TRERF1: variants seen among roughly 807,000 people sequenced by gnomAD.
TRERF1 encodes the protein transcriptional regulating factor 1, also known as transcriptional-regulating factor 1.
A neutral mutation model predicts 122.9 loss-of-function variants in TRERF1; 27 were observed. The ratio of observed to expected loss-of-function variants is 0.22; its 90% confidence interval spans 0.16 to 0.30. The LOEUF is 0.30. TRERF1 is among the 10% of genes least tolerant of loss of function. The probability of loss-of-function intolerance (pLI) is 1.00; values close to 1 mark genes in which losing one functional copy is unlikely to be tolerated. For synonymous variants in TRERF1, 636 were observed against 641.7 expected (o/e 0.99, Z 0.13); for missense variants, 1,248 against 1,560.3 (o/e 0.80, Z 3.37).
intron 2 of TRERF1, among the ~76,000 whole-genome samples, chr6:42,369,135 A>G (rs1773303725): frequency 6.6e-6 from 1 of 152,164 alleles, no homozygotes; most frequent in Non-Finnish European, 1.5e-5. Context: ...TTATCTGCAG[A>G]TAAGAAGGCT....
chr6:42,307,684 T>C (rs1310838489), intron 3 of TRERF1, among the ~76,000 whole-genome samples: 3 of 136,526 alleles, frequency 2.2e-5, no homozygotes, highest in Non-Finnish European at 4.6e-5. Flanking sequence ...GAGAGGTAAA[T>C]GTATGAAAAA....
chr6:42,408,257 ATG>A (rs764767829), intron 2 of TRERF1, among the ~76,000 whole-genome samples: 1,156 of 87,584 alleles, frequency 0.013, 22 homozygotes, highest in Non-Finnish European at 0.02. Flanking sequence ...ATACATACAC[ATG>A]TGTGTGTATG....
Position 42,373,393 on chromosome 6 carries a change from C to T in TRERF1, c.-453-10314G>A, listed in dbSNP as rs934564257. Among the ~76,000 whole-genome samples the T allele has an allele frequency of 3.3e-5, 5 of 151,980 alleles. No homozygotes were observed. In the East Asian group the frequency reaches 7.7e-4, roughly 24 times the overall value. On this transcript the variant is annotated intron_variant, in intron 2 of 17. Transcript: ENST00000372922. ...ACTAAAAATACAAAATTAGGCTGGG[C>T]ACGGTGGCTCACACCTGCAATCCCA...
At chr6:42,279,485 G>A (rs1781900254) in intron 4 of TRERF1, among the ~76,000 whole-genome samples, 2 of 152,204 alleles carry the variant, frequency 1.3e-5, no homozygotes, top group Non-Finnish European at 2.9e-5. Context: ...GAAGTGGGCT[G>A]GCAGGGAGAT....
intron 2 of TRERF1, among the ~76,000 whole-genome samples, chr6:42,372,217 G>C (rs568614700): frequency 8.0e-4 from 121 of 152,172 alleles, no homozygotes; most frequent in African/African-American, 2.5e-3. Context: ...CCCTCAACTA[G>C]ACTGTAAGCT....
chr6:42,439,988 G>A (rs1286739241), intron 2 of TRERF1, among the ~76,000 whole-genome samples: 2 of 152,104 alleles, frequency 1.3e-5, no homozygotes, highest in Non-Finnish European at 2.9e-5. Flanking sequence ...CCAGCCATTG[G>A]GACAATCCTA....
chr6:42,259,562 C>A lies in TRERF1; in HGVS notation c.2046G>T (p.Leu682=). Reference sequence around the variant, plus strand: ...GCGGGGAGCGCAGCTGGCTCTGGTACAGGGTGGCGCCCGAGTAGGAGGCAG... The same window carrying A: ...GCGGGGAGCGCAGCTGGCTCTGGTAAAGGGTGGCGCCCGAGTAGGAGGCAG... The change falls in exon 9 of 18, where the codon CTG becomes CTT. Residue 682 remains leucine (L), a synonymous_variant. Coordinates refer to ENST00000372922, the Ensembl canonical transcript of TRERF1. The surrounding 1 kb of genome is among the most constrained non-coding windows in gnomAD (Gnocchi z 4.9). 3 of 1,613,732 alleles carry A rather than the reference C, an allele frequency of 1.9e-6. No individual in the cohort carries two copies. The highest frequency in any genetic ancestry group is 2.5e-6 in the Non-Finnish European group (3 of 1,179,858).
At chr6:42,358,516 AG>A (rs1275077308) in intron 3 of TRERF1, among the ~76,000 whole-genome samples, 2 of 152,238 alleles carry the variant, frequency 1.3e-5, no homozygotes, top group Non-Finnish European at 2.9e-5. Flanking sequence ...TGACACCTGG[AG>A]GGCAAATGCG....
chr6:42,288,243 T>A (rs1335074373), intron 4 of TRERF1, among the ~76,000 whole-genome samples: 2 of 151,698 alleles, frequency 1.3e-5, no homozygotes, highest in Admixed American at 1.3e-4. Flanking sequence ...CAGAGACAAG[T>A]ATAATTTTAC....
chr6:42,246,275 C>T (rs1774787254), intron 14 of TRERF1, among the ~76,000 whole-genome samples, 181 bp downstream of exon 14: 1 of 152,156 alleles, frequency 6.6e-6, no homozygotes, highest in Non-Finnish European at 1.5e-5. Context: ...CTGTCCTCTC[C>T]CTGCCACAGT....
At chr6:42,320,523 T>G (rs1002153656) in intron 3 of TRERF1, among the ~76,000 whole-genome samples, 5 of 151,406 alleles carry the variant, frequency 3.3e-5, no homozygotes, top group African/African-American at 9.7e-5. Context: ...TTTTTTTTTT[T>G]GAGACTGAGT....
intron 3 of TRERF1, among the ~76,000 whole-genome samples, chr6:42,315,879 G>C (rs564415121): frequency 2.0e-5 from 3 of 152,098 alleles, no homozygotes; most frequent in Non-Finnish European, 4.4e-5. Context: ...GAAGAGGAGG[G>C]ACTTGGGTGG....
intron 2 of TRERF1, among the ~76,000 whole-genome samples, chr6:42,380,004 G>C (rs1775635840): frequency 6.6e-6 from 1 of 152,248 alleles, no homozygotes; most frequent in East Asian, 1.9e-4. Flanking sequence ...TACAGGAGGA[G>C]AGGGATCGAG....
intron 2 of TRERF1, among the ~76,000 whole-genome samples, chr6:42,382,843 G>GC (rs1188878087): frequency 6.6e-6 from 1 of 151,700 alleles, no homozygotes; most frequent in Non-Finnish European, 1.5e-5. Context: ...CCCACTACAT[G>GC]CCAGTAGGAT....
rs142083381 is a variant in TRERF1, at chr6:42,366,486, G to A, written c.-453-3407C>T. ...GGCACCTCCTAACATCCACTCTAACGGGGAGGAGGATGGCTGGGTTTGGCT... is the reference window on the plus strand; with the variant it reads ...GGCACCTCCTAACATCCACTCTAACAGGGAGGAGGATGGCTGGGTTTGGCT... On this transcript the variant is annotated intron_variant, in intron 2 of 17. Coordinates refer to ENST00000372922, the Ensembl canonical transcript of TRERF1. Among the ~76,000 whole-genome samples, 259 of 152,276 alleles carry A rather than the reference G, an allele frequency of 1.7e-3. 2 individuals carry two copies. Among genetic ancestry groups the A allele is most frequent in the South Asian group, 0.012 (60 of 4,822 alleles).
chr6:42,280,880 G>A (rs571843516), intron 4 of TRERF1, among the ~76,000 whole-genome samples: 6 of 152,192 alleles, frequency 3.9e-5, no homozygotes, highest in South Asian at 2.1e-4. Context: ...AGCATGCCAC[G>A]ATGAAGAAAA....
chr6:42,286,086 A>T (rs1416208673), intron 4 of TRERF1, among the ~76,000 whole-genome samples: 1 of 150,994 alleles, frequency 6.6e-6, no homozygotes, highest in Non-Finnish European at 1.5e-5. Context: ...CTGGCTAGCC[A>T]TATGTAGAAA....
intron 3 of TRERF1, among the ~76,000 whole-genome samples, chr6:42,319,096 C>T (rs1445599318): frequency 6.6e-6 from 1 of 152,226 alleles, no homozygotes; most frequent in Non-Finnish European, 1.5e-5. Flanking sequence ...AGGCCTGTGG[C>T]AGTGTTTCTC....
intron 3 of TRERF1, among the ~76,000 whole-genome samples, chr6:42,350,949 C>T (rs75743201): frequency 0.095 from 14,470 of 151,878 alleles, 1,054 homozygotes; most frequent in African/African-American, 0.2. Flanking sequence ...TGAGAAAAGA[C>T]CCAAAGAGGC....
Sources: allele counts gnomAD v4.1 joint callset (sites outside exome capture counted in the v4.1 genomes callset), GRCh38; gene constraint gnomAD v4.1.1; non-coding constraint Gnocchi (gnomAD v3.1); transcripts MANE v1.5; gene names NCBI Gene and HGNC (gene_info 2026-07-23, HGNC 2026-07-21).